GRM8: variants seen among roughly 807,000 people sequenced by gnomAD.
The protein encoded by GRM8 is metabotropic glutamate receptor 8.
A neutral mutation model predicts 87.2 loss-of-function variants in GRM8; 47 were observed. The observed-to-expected ratio is 0.54, with a 90% CI of 0.43 to 0.69. GRM8 has a LOEUF of 0.69. GRM8 is among the 30% of genes least tolerant of loss of function. The pLI is 0.00. For synonymous variants in GRM8, 396 were observed against 404.5 expected (o/e 0.98, Z 0.25); for missense variants, 1,019 against 1,139.2 (o/e 0.89, Z 1.52).
chr7:127,153,180 C>G (rs1386310946), intron 2 of GRM8, among the ~76,000 whole-genome samples: 1 of 152,070 alleles, frequency 6.6e-6, no homozygotes, highest in Non-Finnish European at 1.5e-5. Flanking sequence ...AAGTGTGAAG[C>G]TCATTTTTAT....
At chr7:127,088,368 C>T (rs2132867404) in intron 3 of GRM8, among the ~76,000 whole-genome samples, 1 of 152,204 alleles carries the variant, frequency 6.6e-6, no homozygotes, top group East Asian at 1.9e-4. Flanking sequence ...TTGGTGAAGG[C>T]AGCACAGAAT....
At chr7:126,490,542 C>T (rs1807888658) in intron 9 of GRM8, among the ~76,000 whole-genome samples, 2 of 152,086 alleles carry the variant, frequency 1.3e-5, no homozygotes, top group Non-Finnish European at 2.9e-5. Flanking sequence ...AAGAACTATG[C>T]CAATGGACAA....
intron 7 of GRM8, among the ~76,000 whole-genome samples, chr7:126,721,117 A>G (rs762794588): frequency 2.0e-5 from 3 of 152,230 alleles, no homozygotes; most frequent in Admixed American, 6.5e-5. Flanking sequence ...TGTGAACAGA[A>G]TGTTATCTGC....
chr7:127,003,812 T>C (rs778635238), intron 3 of GRM8, among the ~76,000 whole-genome samples: 22 of 151,708 alleles, frequency 1.5e-4, no homozygotes, highest in Non-Finnish European at 2.2e-4. Context: ...ACTAAGACCA[T>C]AACAGAGAGA....
chr7:126,623,100 G>T (rs1286908988), intron 7 of GRM8, among the ~76,000 whole-genome samples: 1 of 151,338 alleles, frequency 6.6e-6, no homozygotes, highest in African/African-American at 2.4e-5. Flanking sequence ...CACATCTATA[G>T]CAACACACAG....
chr7:126,958,314 G>A (rs530772010), intron 3 of GRM8, among the ~76,000 whole-genome samples: 2 of 152,188 alleles, frequency 1.3e-5, no homozygotes, highest in African/African-American at 4.8e-5. Flanking sequence ...GAGAAGAGCT[G>A]CAGCCCTTCG....
intron 6 of GRM8, among the ~76,000 whole-genome samples, chr7:126,877,438 A>G (rs1478249594): frequency 1.3e-5 from 2 of 152,226 alleles, no homozygotes; most frequent in Admixed American, 6.5e-5. Context: ...CAGTCACACT[A>G]TCCACATGTC....
chr7:126,650,033 T>C (rs1803629396), intron 7 of GRM8, among the ~76,000 whole-genome samples: 1 of 152,222 alleles, frequency 6.6e-6, no homozygotes, highest in South Asian at 2.1e-4. Context: ...GAGATAGCTC[T>C]TGTCCCGTTA....
chr7:126,713,377 A>G (rs1242092039), intron 7 of GRM8, among the ~76,000 whole-genome samples: 5 of 152,160 alleles, frequency 3.3e-5, no homozygotes, highest in African/African-American at 9.7e-5. Flanking sequence ...GTTCTCACTC[A>G]TAAGTGGGAG....
At chr7:126,592,345 C>G (rs1796754354) in intron 8 of GRM8, among the ~76,000 whole-genome samples, 1 of 151,804 alleles carries the variant, frequency 6.6e-6, no homozygotes, top group African/African-American at 2.4e-5. Flanking sequence ...AACCTCAAGC[C>G]AATATCCCTG....
At chr7:126,568,230 C>A (rs959603064) in intron 8 of GRM8, among the ~76,000 whole-genome samples, 1 of 152,056 alleles carries the variant, frequency 6.6e-6, no homozygotes, top group African/African-American at 2.4e-5. Context: ...TTTACTTAGA[C>A]CTTCCCAACA....
chr7:126,599,951 T>G (rs940473014), intron 8 of GRM8, among the ~76,000 whole-genome samples: 3 of 152,208 alleles, frequency 2.0e-5, no homozygotes, highest in Admixed American at 6.6e-5. Context: ...AAAATGAATA[T>G]ATGAATGGAT....
chr7:127,170,733 A>G (rs1793747345), intron 2 of GRM8, among the ~76,000 whole-genome samples: 1 of 152,202 alleles, frequency 6.6e-6, no homozygotes, highest in Admixed American at 6.6e-5. Context: ...AGTGAAGTTA[A>G]GTCAGGAATG....
At chr7:126,585,734 G>A (rs1432319449) in intron 8 of GRM8, among the ~76,000 whole-genome samples, 1 of 152,048 alleles carries the variant, frequency 6.6e-6, no homozygotes, top group African/African-American at 2.4e-5. Flanking sequence ...ATACTGAATG[G>A]GCAAAAACTG....
At chr7:127,056,760 T>C (rs10487466) in intron 3 of GRM8, among the ~76,000 whole-genome samples, 12,139 of 152,264 alleles carry the variant, frequency 0.08, 525 homozygotes, top group South Asian at 0.13. Flanking sequence ...TGTTTTTCTG[T>C]AGATGTGAGC....
chr7:126,867,639 C>G (rs1204522), intron 6 of GRM8, among the ~76,000 whole-genome samples: 102,223 of 151,980 alleles, frequency 0.67, 34,924 homozygotes, highest in African/African-American at 0.79. Context: ...CCTATCAAAA[C>G]GGTCAGTTGG....
chr7:126,713,258 A>G (rs1384046400), intron 7 of GRM8, among the ~76,000 whole-genome samples: 2 of 152,210 alleles, frequency 1.3e-5, no homozygotes, highest in African/African-American at 2.4e-5. Flanking sequence ...ATGGAATACT[A>G]TGCAGTCATA....
At chr7:127,114,865 A>C (rs1826606145) in intron 2 of GRM8, among the ~76,000 whole-genome samples, 1 of 152,200 alleles carries the variant, frequency 6.6e-6, no homozygotes, top group South Asian at 2.1e-4. Context: ...ATAGAGGGAA[A>C]GAAAACAAAT....
chr7:126,567,522 C>T (rs145474268), intron 8 of GRM8, among the ~76,000 whole-genome samples: 3 of 151,986 alleles, frequency 2.0e-5, no homozygotes, highest in South Asian at 2.1e-4. Context: ...CAAACCTGCA[C>T]GTTGTGCACA....
Sources: allele counts gnomAD v4.1 joint callset (sites outside exome capture counted in the v4.1 genomes callset), GRCh38; gene constraint gnomAD v4.1.1; transcripts MANE v1.5; gene names NCBI Gene and HGNC (gene_info 2026-07-23, HGNC 2026-07-21).